DTNA: variants seen among roughly 807,000 people sequenced by gnomAD.
The protein encoded by DTNA is dystrobrevin alpha.
A neutral mutation model predicts 100.7 loss-of-function variants in DTNA; 43 were observed. The ratio of observed to expected loss-of-function variants is 0.43; its 90% CI spans 0.33 to 0.55. The LOEUF is 0.55. DTNA is among the 20% of genes least tolerant of loss of function. The pLI is 0.04. For missense variants in DTNA, 798 were observed against 953.9 expected (o/e 0.84, Z 2.15); for synonymous variants, 349 against 347.9 (o/e 1.00, Z -0.04).
At chr18:34,715,483 ATTAT>A in intron 1 of DTNA, among the ~76,000 whole-genome samples, 1 of 149,794 alleles carries the variant, frequency 6.7e-6, no homozygotes. Flanking sequence ...TAATTTTTTA[ATTAT>A]TTATTTTAAA....
chr18:34,766,368 A>T (rs1228862930), intron 3 of DTNA, among the ~76,000 whole-genome samples: 1 of 152,170 alleles, frequency 6.6e-6, no homozygotes, highest in Non-Finnish European at 1.5e-5. Context: ...TAACCTTGGT[A>T]TCATAAATGC....
chr18:34,593,019 C>G (rs1410650063), intron 1 of DTNA, among the ~76,000 whole-genome samples: 1 of 152,092 alleles, frequency 6.6e-6, no homozygotes, highest in Admixed American at 6.5e-5. Flanking sequence ...TTCAGGCAGC[C>G]AAGTTTGGAA....
At chr18:34,725,781 A>G (rs1276036812) in intron 1 of DTNA, among the ~76,000 whole-genome samples, 1 of 152,220 alleles carries the variant, frequency 6.6e-6, no homozygotes, top group African/African-American at 2.4e-5. Context: ...TCATTCTACT[A>G]TAAAGACACA....
At chr18:34,550,672 C>A (rs1446965212) in intron 1 of DTNA, among the ~76,000 whole-genome samples, 1 of 151,996 alleles carries the variant, frequency 6.6e-6, no homozygotes, top group Non-Finnish European at 1.5e-5. Flanking sequence ...GTGTTCTTAC[C>A]TAAAATGAAT....
chr18:34,758,913 A>G (rs959817311), intron 2 of DTNA, among the ~76,000 whole-genome samples: 7 of 152,346 alleles, frequency 4.6e-5, no homozygotes, highest in African/African-American at 1.7e-4. Context: ...TGATTGCAGC[A>G]CATATGTGTT....
At chr18:34,545,877 C>A (rs1240331835) in intron 1 of DTNA, among the ~76,000 whole-genome samples, 1 of 151,936 alleles carries the variant, frequency 6.6e-6, no homozygotes, top group Non-Finnish European at 1.5e-5. Context: ...ATTAATAATT[C>A]ATGGAGTCAG....
intron 17 of DTNA, chr18:34,867,251 T>C: frequency 8.1e-7 from 1 of 1,231,424 alleles, no homozygotes. Flanking sequence ...GCTGGACACA[T>C]TTTTACCCTT....
At chr18:34,867,352 GA>G (rs2096716682) in intron 17 of DTNA, 1 of 1,229,762 alleles carries the variant, frequency 8.1e-7, no homozygotes, top group Non-Finnish European at 1.0e-6. Context: ...TGTATTTTGT[GA>G]AAAAAATTAC....
intron 10 of DTNA, chr18:34,828,894 G>T: frequency 1.1e-6 from 1 of 888,236 alleles, no homozygotes; most frequent in Non-Finnish European, 1.8e-6. Flanking sequence ...TGTAAAATCT[G>T]TAAAAGACAC....
At chr18:34,719,147 T>C (rs2084709945) in intron 1 of DTNA, among the ~76,000 whole-genome samples, 1 of 151,814 alleles carries the variant, frequency 6.6e-6, no homozygotes, top group Non-Finnish European at 1.5e-5. Context: ...GGCACCAACA[T>C]GGCGAAACCC....
chr18:34,886,624 A>T (rs544352084), intron 22 of DTNA, among the ~76,000 whole-genome samples: 1 of 152,312 alleles, frequency 6.6e-6, no homozygotes, highest in Admixed American at 6.5e-5. Flanking sequence ...AAAGCCAAAA[A>T]TTTCAGTACT....
chr18:34,646,114 A>G (rs999780197), intron 1 of DTNA, among the ~76,000 whole-genome samples: 1 of 152,190 alleles, frequency 6.6e-6, no homozygotes, highest in African/African-American at 2.4e-5. Context: ...TCAGTAAGCT[A>G]TACCCTTTAA....
intron 21 of DTNA, among the ~76,000 whole-genome samples, chr18:34,884,372 T>C (rs2096902303): frequency 6.6e-6 from 1 of 152,232 alleles, no homozygotes; most frequent in Non-Finnish European, 1.5e-5. Flanking sequence ...TACTAATGAC[T>C]TAAGATTCAA....
Position 34,508,023 on chromosome 18 carries a change from A to G in DTNA, c.-2+14509A>G, listed in dbSNP as rs551613963. Among the ~76,000 whole-genome samples, 96 of 152,268 alleles carry G rather than the reference A, an allele frequency of 6.3e-4. 2 individuals are homozygous for G. The highest frequency in any genetic ancestry group is 3.6e-3 in the Admixed American group (55 of 15,286). ...AATTAAAAATGCATTACCTAAAACT[A>G]TCTCCTTGGTTGATACATATTAATG... On this transcript the variant is annotated intron_variant, in intron 1 of 19. Coordinates refer to the DTNA transcript ENST00000283365.
intron 1 of DTNA, among the ~76,000 whole-genome samples, chr18:34,691,121 T>C (rs894265332): frequency 6.6e-6 from 1 of 152,222 alleles, no homozygotes; most frequent in South Asian, 2.1e-4. Context: ...ACATTTTGTA[T>C]TACTTAAAAA....
At chr18:34,494,017 C>T (rs1250414555) in intron 1 of DTNA, 1 of 150,520 alleles carries the variant, frequency 6.6e-6, no homozygotes, top group Non-Finnish European at 1.5e-5. Flanking sequence ...CGCGGGGCCG[C>T]GCAGGTAAAT....
chr18:34,606,066 A>T (rs1286120241), intron 1 of DTNA, among the ~76,000 whole-genome samples: 4 of 152,204 alleles, frequency 2.6e-5, no homozygotes, highest in African/African-American at 4.8e-5. Context: ...CAAGATAGGG[A>T]TATAAGAAAG....
rs549277094 is a variant in DTNA at position 34,785,359 on chromosome 18, A to G, written c.149-8678A>G. ...CATATTAAGGGACAAATATATTTAT[A>G]CCAGACAGAGTGAGGCAAAGAATTG... On this transcript the variant is annotated intron_variant, in intron 3 of 22. Coordinates refer to ENST00000444659, the MANE Select transcript of DTNA (RefSeq NM_001386795.1). Among the ~76,000 whole-genome samples the G allele has an allele frequency of 1.4e-3, 211 of 152,358 alleles. 2 individuals are homozygous for G. Among genetic ancestry groups the G allele is most frequent in the African/African-American group, 5.0e-3 (208 of 41,584 alleles).
At chr18:34,523,678 G>A (rs1010623010) in intron 1 of DTNA, among the ~76,000 whole-genome samples, 2 of 152,088 alleles carry the variant, frequency 1.3e-5, no homozygotes, top group African/African-American at 4.8e-5. Context: ...AGGCCTGTTG[G>A]TCTCTCTTCA....
Sources: allele counts gnomAD v4.1 joint callset (sites outside exome capture counted in the v4.1 genomes callset), GRCh38; gene constraint gnomAD v4.1.1; transcripts MANE v1.5; gene names NCBI Gene and HGNC (gene_info 2026-07-23, HGNC 2026-07-21).